GRIA4: variants seen among roughly 807,000 people sequenced by gnomAD.
GRIA4 encodes glutamate ionotropic receptor AMPA type subunit 4.
In GRIA4, 34 loss-of-function variants were observed where a neutral mutation model predicts 104.0. The ratio of observed to expected loss-of-function variants is 0.33; its 90% confidence interval spans 0.25 to 0.44. The LOEUF (loss-of-function observed/expected upper bound fraction) is 0.44, where lower values mean the gene tolerates loss of function less well. Among genes scored for constraint, GRIA4 ranks in the 20% least tolerant of loss-of-function variants. The pLI, the probability that GRIA4 is intolerant of heterozygous loss-of-function variation, is 1.00. For synonymous variants in GRIA4, 386 were observed against 381.9 expected, an observed-to-expected ratio of 1.01 and a Z score of -0.13; for missense variants, 750 against 1,096.5, an observed-to-expected ratio of 0.68 and a Z score of 4.46.
At chr11:105,702,712 T>C (rs1208728369) in intron 3 of GRIA4, among the ~76,000 whole-genome samples, 2 of 146,846 alleles carry the variant, frequency 1.4e-5, no homozygotes, top group African/African-American at 5.0e-5. Context: ...TTTTTTTTTT[T>C]TTGAGACAGA....
intron 10 of GRIA4, chr11:105,911,779 T>TATATATATATATATATATATATATAC (rs1947248286): frequency 4.5e-5 from 6 of 132,162 alleles, no homozygotes; most frequent in Non-Finnish European, 1.6e-5. Flanking sequence ...AAAAGCAATA[T>TATATATATATATATATATATATATAC]ATATATATAT....
Position 105,613,314 on chromosome 11 carries a change from T to C in GRIA4, c.247+880T>C, listed in dbSNP as rs1950524951. ...CATGATCAGTCAATAGCAGTTGTATTGCTTTTTCCTTCTGGAAGGAAGTGC... is the reference window on the plus strand; with the variant it reads ...CATGATCAGTCAATAGCAGTTGTATCGCTTTTTCCTTCTGGAAGGAAGTGC... On this transcript the variant is annotated intron_variant, in intron 3 of 16. Coordinates refer to ENST00000282499, the MANE Select transcript of GRIA4 (RefSeq NM_000829.4). The C allele has an allele frequency of 2.6e-5, 4 of 152,228 alleles. No homozygotes were observed. In the South Asian group the frequency reaches 8.3e-4, roughly 32 times the overall value. The allele number at this position is 152,228 out of a possible 1,614,324, so 9.4% of individuals were successfully genotyped here. A position where few individuals can be genotyped will look rare whatever the true frequency, so the allele number is the denominator to read the frequency against.
chr11:105,791,925 G>A (rs571357139), intron 4 of GRIA4, among the ~76,000 whole-genome samples: 9 of 152,216 alleles, frequency 5.9e-5, no homozygotes, highest in South Asian at 4.1e-4. Context: ...GGCTGGGGAC[G>A]TTCTCAGGGA....
At chr11:105,898,546 AT>A in intron 7 of GRIA4, 119 bp downstream of exon 7, 1 of 654,640 alleles carries the variant, frequency 1.5e-6, no homozygotes, top group Non-Finnish European at 2.7e-6. Context: ...GGAAAAAAGC[AT>A]TTTGTCCTTA....
chr11:105,686,081 T>C (rs1269593860), intron 3 of GRIA4, among the ~76,000 whole-genome samples: 1 of 152,134 alleles, frequency 6.6e-6, no homozygotes, highest in Non-Finnish European at 1.5e-5. Flanking sequence ...TTTTCAACTT[T>C]TATTTTAGAT....
intron 3 of GRIA4, among the ~76,000 whole-genome samples, chr11:105,693,476 G>T (rs1228586536): frequency 2.0e-5 from 3 of 151,962 alleles, no homozygotes; most frequent in Non-Finnish European, 4.4e-5. Context: ...TTAAACTCAA[G>T]ACTTTAAAAA....
chr11:105,890,527 A>G (rs1375354122), intron 6 of GRIA4, among the ~76,000 whole-genome samples: 1 of 152,224 alleles, frequency 6.6e-6, no homozygotes, highest in African/African-American at 2.4e-5. Flanking sequence ...ATTAACAACC[A>G]TTCAATCTCC....
chr11:105,871,472 C>T (rs1298594135), intron 5 of GRIA4, among the ~76,000 whole-genome samples: 1 of 149,808 alleles, frequency 6.7e-6, no homozygotes, highest in African/African-American at 2.4e-5. Flanking sequence ...TATAGTTAGA[C>T]CTTTGGGATT....
At chr11:105,941,860 G>A (rs986074639) in intron 14 of GRIA4, among the ~76,000 whole-genome samples, 1 of 151,980 alleles carries the variant, frequency 6.6e-6, no homozygotes, top group Non-Finnish European at 1.5e-5. Context: ...TTTGTATTTG[G>A]TCCTGATAGA....
intron 6 of GRIA4, among the ~76,000 whole-genome samples, chr11:105,887,830 A>G (rs1946321082): frequency 6.6e-6 from 1 of 152,206 alleles, no homozygotes; most frequent in Non-Finnish European, 1.5e-5. Context: ...CCACTTGTCA[A>G]ATTAAATAAT....
intron 11 of GRIA4, among the ~76,000 whole-genome samples, chr11:105,923,602 G>A (rs566535762): frequency 6.6e-6 from 1 of 152,234 alleles, no homozygotes; most frequent in African/African-American, 2.4e-5. Flanking sequence ...AACGTTATGA[G>A]GTAAACAGGG....
chr11:105,950,398 G>T (rs1948428859), intron 14 of GRIA4, among the ~76,000 whole-genome samples: 1 of 152,124 alleles, frequency 6.6e-6, no homozygotes, highest in African/African-American at 2.4e-5. Flanking sequence ...GTTGGGCCTT[G>T]TTATTTTGGT....
intron 3 of GRIA4, among the ~76,000 whole-genome samples, chr11:105,743,581 A>C (rs2135664190): frequency 6.6e-6 from 1 of 152,252 alleles, no homozygotes; most frequent in Middle Eastern, 3.4e-3. Flanking sequence ...TTCCTTCAAA[A>C]TCTACATATT....
chr11:105,761,405 T>G (rs1192009992), intron 4 of GRIA4, among the ~76,000 whole-genome samples: 2 of 152,222 alleles, frequency 1.3e-5, no homozygotes, highest in Non-Finnish European at 2.9e-5. Flanking sequence ...CATTATGCAC[T>G]AAGTACTTTA....
chr11:105,682,871 T>G (rs911474987), intron 3 of GRIA4, among the ~76,000 whole-genome samples: 7 of 152,216 alleles, frequency 4.6e-5, no homozygotes, highest in Non-Finnish European at 8.8e-5. Flanking sequence ...TGCTTGAACC[T>G]ATGATGTATA....
intron 4 of GRIA4, among the ~76,000 whole-genome samples, chr11:105,768,529 CA>C (rs1195668515): frequency 2.6e-5 from 4 of 151,922 alleles, no homozygotes; most frequent in Non-Finnish European, 4.4e-5. Flanking sequence ...AAAAATCTTT[CA>C]AAAAAGGAGA....
chr11:105,654,667 A>G (rs73627618), intron 3 of GRIA4, among the ~76,000 whole-genome samples: 2,547 of 152,238 alleles, frequency 0.017, 85 homozygotes, highest in African/African-American at 0.058. Context: ...CAACAGGAGA[A>G]TAAGTCTTTC....
At chr11:105,908,546 G>T (rs1947122252) in intron 9 of GRIA4, among the ~76,000 whole-genome samples, 1 of 148,462 alleles carries the variant, frequency 6.7e-6, no homozygotes. Context: ...CCATTAATTG[G>T]TCCCATATCA....
intron 3 of GRIA4, among the ~76,000 whole-genome samples, chr11:105,648,362 T>C (rs555948518): frequency 6.6e-6 from 1 of 151,608 alleles, no homozygotes; most frequent in African/African-American, 2.4e-5. Context: ...AATAAGATTA[T>C]AGTAATTGGA....
Sources: allele counts gnomAD v4.1 joint callset (sites outside exome capture counted in the v4.1 genomes callset), GRCh38; gene constraint gnomAD v4.1.1; transcripts MANE v1.5; gene names NCBI Gene and HGNC (gene_info 2026-07-23, HGNC 2026-07-21).